Variants in SNX29 observed in about 807,000 individuals in gnomAD.
The protein encoded by SNX29 is sorting nexin 29.
Under a neutral mutation model 102.1 loss-of-function variants are expected in SNX29, and 78 were observed. The ratio of observed to expected loss-of-function variants is 0.76; its 90% CI spans 0.64 to 0.92. SNX29 has a LOEUF of 0.92. SNX29 is among the 40% of genes least tolerant of loss of function. The pLI, the probability that SNX29 is intolerant of heterozygous loss-of-function variation, is 0.00. For missense variants in SNX29, 1,280 were observed against 1,061.7 expected, an observed-to-expected ratio of 1.21 and a Z score of -2.86; for synonymous variants, 580 against 414.5, an observed-to-expected ratio of 1.40 and a Z score of -4.85.
At chr16:12,504,059 C>G (rs1173192546) in intron 19 of SNX29, among the ~76,000 whole-genome samples, 1 of 152,168 alleles carries the variant, frequency 6.6e-6, no homozygotes, top group Non-Finnish European at 1.5e-5. Context: ...CCTCTCCTGC[C>G]AAACCCCAGA....
intron 19 of SNX29, among the ~76,000 whole-genome samples, chr16:12,520,750 G>T (rs2090066524): frequency 6.8e-6 from 1 of 147,110 alleles, no homozygotes; most frequent in African/African-American, 2.6e-5. Context: ...GAAGCTATGG[G>T]CATGCAAATA....
In SNX29 at chr16:12,447,165, C is replaced by CAAAAA. The variant is rs59942122; in HGVS notation, c.2038-30526_2038-30522dup. ...CTGGCGACAGAGGGAGACTCTGTCT[C>CAAAAA]AAAAAAAAAAAAAAAAAAAAAAAAA... is the stretch of plus-strand genomic sequence containing the variant. On this transcript the variant is annotated intron_variant, in intron 18 of 20. Coordinates refer to ENST00000566228, the MANE Select transcript of SNX29 (RefSeq NM_032167.5). Among the ~76,000 whole-genome samples, 13 of 43,910 alleles carry CAAAAA rather than the reference C, an allele frequency of 3.0e-4. 1 individual carries two copies. The highest frequency in any genetic ancestry group is 1.0e-3 in the East Asian group (1 of 974). 28.8% of individuals were successfully genotyped at this position (43,910 alleles called of 152,430 possible).
At chr16:12,530,303 C>G (rs952844267) in intron 20 of SNX29, among the ~76,000 whole-genome samples, 3 of 152,216 alleles carry the variant, frequency 2.0e-5, no homozygotes, top group Middle Eastern at 3.4e-3. Flanking sequence ...ACTGTTTGTA[C>G]CAACAGACAG....
intron 18 of SNX29, among the ~76,000 whole-genome samples, chr16:12,460,373 C>G (rs545469292): frequency 6.2e-4 from 95 of 152,346 alleles, no homozygotes; most frequent in Non-Finnish European, 1.1e-3. Context: ...TATATTCTCA[C>G]TGATTTCCTA....
intron 13 of SNX29, among the ~76,000 whole-genome samples, chr16:12,136,820 A>T (rs993311586): frequency 6.6e-6 from 1 of 151,890 alleles, no homozygotes; most frequent in Non-Finnish European, 1.5e-5. Flanking sequence ...GCTCACTGCA[A>T]CCTCCACCTC....
intron 19 of SNX29, among the ~76,000 whole-genome samples, chr16:12,507,238 C>T (rs770198155): frequency 1.3e-5 from 2 of 152,204 alleles, no homozygotes; most frequent in Non-Finnish European, 2.9e-5. Flanking sequence ...CCTTTCCCAT[C>T]ACATCAAAGC....
At chr16:12,189,196 C>A (rs1226126196) in intron 13 of SNX29, among the ~76,000 whole-genome samples, 1 of 152,174 alleles carries the variant, frequency 6.6e-6, no homozygotes, top group Non-Finnish European at 1.5e-5. Context: ...AACAATATAA[C>A]AATCAGAATT....
chr16:12,448,329 G>GT (rs146716645), intron 18 of SNX29, among the ~76,000 whole-genome samples: 3,844 of 152,278 alleles, frequency 0.025, 167 homozygotes, highest in African/African-American at 0.088. Flanking sequence ...GTCAAGGATG[G>GT]TGGTGATGGT....
chr16:12,551,114 A>G (rs1037446330), intron 20 of SNX29, among the ~76,000 whole-genome samples: 1 of 152,102 alleles, frequency 6.6e-6, no homozygotes, highest in Non-Finnish European at 1.5e-5. Flanking sequence ...TCTGGTGTGA[A>G]ATAATGGAAC....
chr16:12,540,241 C>T (rs1036531782), intron 20 of SNX29, among the ~76,000 whole-genome samples: 3 of 152,094 alleles, frequency 2.0e-5, no homozygotes, highest in Non-Finnish European at 4.4e-5. Flanking sequence ...CTGACCCGCT[C>T]CCCCCACCCC....
At chr16:12,346,501 A>C (rs556353926) in intron 15 of SNX29, among the ~76,000 whole-genome samples, 1 of 152,156 alleles carries the variant, frequency 6.6e-6, no homozygotes, top group Non-Finnish European at 1.5e-5. Flanking sequence ...GGAGTCAGGA[A>C]TGGTGGGTTT....
chr16:12,248,762 A>G (rs997602510), intron 14 of SNX29, among the ~76,000 whole-genome samples: 3 of 151,704 alleles, frequency 2.0e-5, no homozygotes, highest in Non-Finnish European at 2.9e-5. Flanking sequence ...TTTATCTAGA[A>G]TGGCACTTCT....
In SNX29 at chr16:12,507,574, C is replaced by G. The variant is rs2089434356; in HGVS notation, c.2179-17128C>G. Among the ~76,000 whole-genome samples, 4 of 151,932 alleles carry G rather than the reference C, an allele frequency of 2.6e-5. No individual in the cohort carries two copies. The South Asian group carries it at 6.3e-4, about 24-fold the overall frequency. ...TTTCCATAGTGAGCCTTCACCATCC[C>G]CTGGGGCAAGAGTTAACAAACTTTT... On this transcript the variant is annotated intron_variant, in intron 19 of 20. Coordinates refer to ENST00000566228, the MANE Select transcript of SNX29 (RefSeq NM_032167.5).
chr16:12,366,150 TA>T (rs1174431846), intron 16 of SNX29, among the ~76,000 whole-genome samples: 6 of 151,858 alleles, frequency 4.0e-5, no homozygotes, highest in African/African-American at 1.5e-4. Flanking sequence ...TGTGATGCAG[TA>T]AGCCTGAAAA....
At chr16:12,189,493 G>C (rs2076590528) in intron 13 of SNX29, among the ~76,000 whole-genome samples, 1 of 152,174 alleles carries the variant, frequency 6.6e-6, no homozygotes, top group African/African-American at 2.4e-5. Flanking sequence ...TCGTAGGAAT[G>C]TTGCAGAGGC....
At chr16:12,167,311 T>C (rs1452463643) in intron 13 of SNX29, among the ~76,000 whole-genome samples, 1 of 152,180 alleles carries the variant, frequency 6.6e-6, no homozygotes, top group Non-Finnish European at 1.5e-5. Context: ...CCGATGCAGA[T>C]GAGGTTGCAG....
chr16:12,330,436 C>T (rs2081261236), intron 15 of SNX29, among the ~76,000 whole-genome samples: 1 of 152,174 alleles, frequency 6.6e-6, no homozygotes, highest in South Asian at 2.1e-4. Context: ...CACGGCACTC[C>T]AGCCTGAAAT....
At chr16:11,992,720 C>T (rs901485022) in intron 1 of SNX29, among the ~76,000 whole-genome samples, 1 of 152,190 alleles carries the variant, frequency 6.6e-6, no homozygotes, top group Non-Finnish European at 1.5e-5. Context: ...CAGAATTCCT[C>T]GCACACAGTG....
chr16:12,565,898 G>A (rs1020078017), intron 20 of SNX29, among the ~76,000 whole-genome samples: 5 of 151,712 alleles, frequency 3.3e-5, no homozygotes, highest in Admixed American at 6.6e-5. Flanking sequence ...CCTCTCATTG[G>A]GGCATCCACC....
Sources: gnomAD v4.1 joint callset for allele counts (sites outside exome capture counted in the v4.1 genomes callset) on GRCh38, gnomAD v4.1.1 for gene constraint, MANE v1.5 for transcripts, NCBI Gene and HGNC (gene_info 2026-07-23, HGNC 2026-07-21) for gene names.